Variants in RBFOX1 observed in about 807,000 individuals in gnomAD.
The protein encoded by RBFOX1 is RNA binding fox-1 homolog 1.
In RBFOX1, 8 loss-of-function variants were observed where a neutral mutation model predicts 57.7. That is an observed-to-expected ratio of 0.14 (90% CI 0.08 to 0.25). RBFOX1 has a LOEUF of 0.25. Ranked by LOEUF, RBFOX1 falls within the 10% of genes least tolerant of loss-of-function variation. The pLI is 1.00. For synonymous variants in RBFOX1, 326 were observed against 222.4 expected (o/e 1.47, Z -4.15); for missense variants, 611 against 548.5 (o/e 1.11, Z -1.14).
chr16:6,719,332 A>G (rs148690413), intron 3 of RBFOX1, among the ~76,000 whole-genome samples: 117 of 152,344 alleles, frequency 7.7e-4, no homozygotes, highest in African/African-American at 2.6e-3. Flanking sequence ...AATCACATCA[A>G]TTAAACTCAG....
chr16:5,365,558 A>G (rs1481660273), intron 1 of RBFOX1, among the ~76,000 whole-genome samples: 2 of 152,186 alleles, frequency 1.3e-5, no homozygotes, highest in African/African-American at 2.4e-5. Flanking sequence ...AGTCCCAGCT[A>G]CTTGGGAGGC....
chr16:6,963,393 C>T lies in RBFOX1; in HGVS notation c.-15-88664C>T, dbSNP rs1028182548. 3.3e-5 allele frequency among the ~76,000 whole-genome samples: 5 copies of T among 152,064 alleles called. No homozygotes were observed. In the East Asian group the frequency reaches 5.8e-4, roughly 18 times the overall value. The stretch of plus-strand genomic sequence containing the variant: ...TTTTTAGAATTAAAACACACACACA[C>T]ACTTGAAATAAAAATGTGTTGTTGG... On this transcript the variant is annotated intron_variant, in intron 3 of 15. Transcript: ENST00000550418.
Position 5,967,674 on chromosome 16 carries a change from C to T in RBFOX1, c.351+100339C>T, listed in dbSNP as rs976355205. 4.6e-5 allele frequency among the ~76,000 whole-genome samples: 7 copies of T among 152,262 alleles called. No individual in the cohort carries two copies. In the East Asian group the frequency reaches 1.2e-3, roughly 25 times the overall value. ...TTAACAAATCTATTCTCTGTTTTATCTATCTCTTCTTCTTCCCCCTAAGAA... is the reference window on the plus strand; with the variant it reads ...TTAACAAATCTATTCTCTGTTTTATTTATCTCTTCTTCTTCCCCCTAAGAA... On this transcript the variant is annotated intron_variant, in intron 4 of 19. Transcript: ENST00000641259.
chr16:5,873,290 A>G (rs2057523402), intron 4 of RBFOX1, among the ~76,000 whole-genome samples: 1 of 152,194 alleles, frequency 6.6e-6, no homozygotes, highest in Non-Finnish European at 1.5e-5. Context: ...CCCTAACCAG[A>G]CAGAAGTTCA....
chr16:5,635,847 C>A (rs994017452), intron 3 of RBFOX1, among the ~76,000 whole-genome samples: 3 of 152,110 alleles, frequency 2.0e-5, no homozygotes, highest in Non-Finnish European at 2.9e-5. Context: ...TTCTATCATG[C>A]ATTCCATTCA....
intron 4 of RBFOX1, among the ~76,000 whole-genome samples, chr16:7,344,699 G>C (rs1483856252): frequency 6.6e-6 from 1 of 152,068 alleles, no homozygotes; most frequent in East Asian, 1.9e-4. Flanking sequence ...ATTTTAAAAG[G>C]AAACTGAGGC....
At chr16:7,030,252 T>A (rs2042446240) in intron 3 of RBFOX1, among the ~76,000 whole-genome samples, 2 of 151,982 alleles carry the variant, frequency 1.3e-5, no homozygotes, top group Admixed American at 1.3e-4. Flanking sequence ...TGGGATGGAG[T>A]GGAGTGCCTC....
intron 3 of RBFOX1, among the ~76,000 whole-genome samples, chr16:6,881,367 G>A (rs909413446): frequency 6.6e-6 from 1 of 152,190 alleles, no homozygotes; most frequent in African/African-American, 2.4e-5. Flanking sequence ...ACAACAAACA[G>A]TTACTCTCAC....
At chr16:7,357,351 G>C (rs954115489) in intron 4 of RBFOX1, among the ~76,000 whole-genome samples, 1 of 152,076 alleles carries the variant, frequency 6.6e-6, no homozygotes, top group Non-Finnish European at 1.5e-5. Flanking sequence ...AGAAACTGAT[G>C]ATGAAAACAA....
At chr16:7,090,494 T>G (rs917611212) in intron 4 of RBFOX1, among the ~76,000 whole-genome samples, 2 of 152,190 alleles carry the variant, frequency 1.3e-5, no homozygotes, top group Non-Finnish European at 2.9e-5. Flanking sequence ...TTAAAAATAG[T>G]GTGGCCCCAT....
At chr16:6,986,541 C>G (rs1164888926) in intron 3 of RBFOX1, among the ~76,000 whole-genome samples, 2 of 152,196 alleles carry the variant, frequency 1.3e-5, no homozygotes, top group Admixed American at 6.5e-5. Flanking sequence ...ATTCACCTGC[C>G]TTGGCTTCCC....
At chr16:6,530,760 C>T (rs1338890094) in intron 2 of RBFOX1, among the ~76,000 whole-genome samples, 2 of 151,636 alleles carry the variant, frequency 1.3e-5, no homozygotes, top group African/African-American at 2.4e-5. Flanking sequence ...CCCTTCCCCA[C>T]CCCCATCTCA....
chr16:6,686,071 C>A (rs1603414287), intron 3 of RBFOX1, among the ~76,000 whole-genome samples: 1 of 152,152 alleles, frequency 6.6e-6, no homozygotes, highest in African/African-American at 2.4e-5. Flanking sequence ...GGGCCCAGCG[C>A]TGTGCTCAGC....
At chr16:5,590,076 C>CAAAAA (rs1438028185) in intron 2 of RBFOX1, among the ~76,000 whole-genome samples, 2 of 92,598 alleles carry the variant, frequency 2.2e-5, no homozygotes, top group Non-Finnish European at 4.5e-5. Flanking sequence ...CACACACACA[C>CAAAAA]AAAAAGGGCA....
intron 1 of RBFOX1, among the ~76,000 whole-genome samples, chr16:6,024,937 G>A (rs1178929779): frequency 6.6e-6 from 1 of 152,214 alleles, no homozygotes; most frequent in Non-Finnish European, 1.5e-5. Context: ...TCTGCATGGA[G>A]GGCGTTTCAG....
At chr16:5,935,957 C>A (rs367980276) in intron 4 of RBFOX1, among the ~76,000 whole-genome samples, 46 of 152,246 alleles carry the variant, frequency 3.0e-4, no homozygotes, top group African/African-American at 1.1e-3. Flanking sequence ...GCCCTCAGGG[C>A]CTTCGTTCTG....
chr16:6,738,762 A>T (rs2154180555), intron 3 of RBFOX1, among the ~76,000 whole-genome samples: 1 of 152,258 alleles, frequency 6.6e-6, no homozygotes. Flanking sequence ...AGCAAATGTA[A>T]AGACAGTGAA....
intron 3 of RBFOX1, among the ~76,000 whole-genome samples, chr16:6,967,524 C>A (rs527799102): frequency 6.6e-6 from 1 of 152,132 alleles, no homozygotes; most frequent in African/African-American, 2.4e-5. Flanking sequence ...GGAACCCTTT[C>A]ATTTGCTGAA....
chr16:5,853,605 A>G (rs143819132), intron 3 of RBFOX1, among the ~76,000 whole-genome samples: 1 of 152,292 alleles, frequency 6.6e-6, no homozygotes. Flanking sequence ...CCTTGGATGA[A>G]TGATGGTTTG....
Sources: gnomAD v4.1 joint callset for allele counts (sites outside exome capture counted in the v4.1 genomes callset) on GRCh38, gnomAD v4.1.1 for gene constraint, MANE v1.5 for transcripts, NCBI Gene and HGNC (gene_info 2026-07-23, HGNC 2026-07-21) for gene names.